GHR: variants seen among roughly 807,000 people sequenced by gnomAD.
GHR encodes the protein GH receptor.
A neutral mutation model predicts 67.1 loss-of-function variants in GHR; 35 were observed. The ratio of observed to expected loss-of-function variants is 0.52; its 90% CI spans 0.40 to 0.69. The LOEUF (loss-of-function observed/expected upper bound fraction) is 0.69. GHR is among the 30% of genes least tolerant of loss of function. The probability of loss-of-function intolerance (pLI) is 0.00; values close to 1 mark genes in which losing one functional copy is unlikely to be tolerated. For synonymous variants in GHR, 272 were observed against 269.1 expected (o/e 1.01, Z -0.10); for missense variants, 792 against 764.6 (o/e 1.04, Z -0.42).
chr5:42,656,050 A>C (rs193176978), intron 3 of GHR, among the ~76,000 whole-genome samples: 36 of 152,286 alleles, frequency 2.4e-4, no homozygotes, highest in Non-Finnish European at 3.4e-4. Context: ...ATTTTAAATC[A>C]GTATAATCTA....
chr5:42,689,886 A>G (rs1482143145), intron 4 of GHR, among the ~76,000 whole-genome samples: 1 of 152,204 alleles, frequency 6.6e-6, no homozygotes, highest in African/African-American at 2.4e-5. Context: ...TCAGTAAAAG[A>G]CTGTAGTACT....
At chr5:42,670,970 A>G (rs1396955767) in intron 3 of GHR, among the ~76,000 whole-genome samples, 1 of 151,708 alleles carries the variant, frequency 6.6e-6, no homozygotes, top group African/African-American at 2.4e-5. Context: ...CAAAGACACA[A>G]TGAGAAAACA....
intron 1 of GHR, among the ~76,000 whole-genome samples, chr5:42,460,589 G>A (rs1285819154): frequency 6.6e-6 from 1 of 152,134 alleles, no homozygotes; most frequent in East Asian, 1.9e-4. Context: ...TCTCTGGAAA[G>A]GGTTCACCTC....
At chr5:42,616,293 A>G (rs923993478) in intron 2 of GHR, among the ~76,000 whole-genome samples, 2 of 152,120 alleles carry the variant, frequency 1.3e-5, no homozygotes, top group Non-Finnish European at 2.9e-5. Context: ...TGCATGGGCT[A>G]TAATAATAGC....
At chr5:42,591,656 C>T (rs978997724) in intron 2 of GHR, among the ~76,000 whole-genome samples, 1 of 152,102 alleles carries the variant, frequency 6.6e-6, no homozygotes, top group Non-Finnish European at 1.5e-5. Context: ...TCTCCAGATC[C>T]TTCCCATGCC....
chr5:42,700,782 A>G (rs1001252323), intron 6 of GHR, among the ~76,000 whole-genome samples: 4 of 152,162 alleles, frequency 2.6e-5, no homozygotes, highest in African/African-American at 9.7e-5. Context: ...ATTTTGAGAC[A>G]CCAGGACATT....
At chr5:42,465,276 T>C in intron 1 of GHR, 1 of 632,276 alleles carries the variant, frequency 1.6e-6, no homozygotes, top group Non-Finnish European at 2.8e-6. Context: ...GATTTTCTTA[T>C]ACTGAATGTG....
chr5:42,470,587 G>A (rs1322092483), intron 1 of GHR, among the ~76,000 whole-genome samples: 1 of 152,096 alleles, frequency 6.6e-6, no homozygotes, highest in Non-Finnish European at 1.5e-5. Context: ...AGCAATCAGT[G>A]CCTTCTTGTT....
intron 1 of GHR, among the ~76,000 whole-genome samples, chr5:42,470,806 G>C (rs1744980860): frequency 6.6e-6 from 1 of 152,128 alleles, no homozygotes; most frequent in Admixed American, 6.5e-5. Flanking sequence ...AATTTAGTTT[G>C]AATCTAAATT....
intron 3 of GHR, among the ~76,000 whole-genome samples, chr5:42,641,067 T>C (rs539727865): frequency 1.1e-4 from 16 of 152,234 alleles, no homozygotes; most frequent in African/African-American, 3.9e-4. Flanking sequence ...CTGCCCTTAG[T>C]CATGATCAAA....
In GHR at chr5:42,530,494, A is replaced by C. The variant is rs140284846; in HGVS notation, c.-11-35370A>C. Among the ~76,000 whole-genome samples the C allele has an allele frequency of 7.6e-3, 1,160 of 152,340 alleles. 15 individuals are homozygous for C. Among genetic ancestry groups the C allele is most frequent in the African/African-American group, 0.026 (1,101 of 41,572 alleles). On this transcript the variant is annotated intron_variant, in intron 1 of 9. Transcript: ENST00000230882. ...AGCCATGGTTGTAATTGAGAATGGC[A>C]ACTATGGTGTTCTTATCTAATCTGC...
intron 3 of GHR, among the ~76,000 whole-genome samples, chr5:42,667,846 G>A (rs1242504046): frequency 6.6e-6 from 1 of 152,158 alleles, no homozygotes; most frequent in Admixed American, 6.6e-5. Flanking sequence ...GGCAAACTGG[G>A]TTGAGTTGAT....
At chr5:42,501,756 C>A (rs564358494) in intron 1 of GHR, among the ~76,000 whole-genome samples, 1 of 152,206 alleles carries the variant, frequency 6.6e-6, no homozygotes, top group African/African-American at 2.4e-5. Flanking sequence ...AGAAAAGTAG[C>A]CAGATTTTTA....
chr5:42,451,039 G>A (rs897416203), intron 1 of GHR, among the ~76,000 whole-genome samples: 1 of 152,114 alleles, frequency 6.6e-6, no homozygotes, highest in Admixed American at 6.5e-5. Context: ...GACTCGTTTA[G>A]TGGCCTATCA....
At chr5:42,468,779 C>T (rs1744859552) in intron 1 of GHR, 1 of 1,087,370 alleles carries the variant, frequency 9.2e-7, no homozygotes, top group African/African-American at 1.6e-5. Context: ...GCCTTCAGCA[C>T]CTCGAAGGGG....
chr5:42,489,582 C>T (rs1746025904), intron 1 of GHR, among the ~76,000 whole-genome samples: 1 of 152,118 alleles, frequency 6.6e-6, no homozygotes, highest in South Asian at 2.1e-4. Flanking sequence ...AATGCAACAA[C>T]TACAAAAGAA....
chr5:42,570,629 CCTT>C (rs1393931342), intron 2 of GHR, among the ~76,000 whole-genome samples: 4 of 152,184 alleles, frequency 2.6e-5, no homozygotes, highest in Non-Finnish European at 5.9e-5. Flanking sequence ...TTCAAACAAT[CCTT>C]CTTCAGCCTG....
intron 1 of GHR, among the ~76,000 whole-genome samples, chr5:42,547,289 T>C (rs1748779945): frequency 6.6e-6 from 1 of 152,174 alleles, no homozygotes; most frequent in African/African-American, 2.4e-5. Flanking sequence ...GAAGCAGTCA[T>C]AAATCATGAA....
At chr5:42,664,808 G>A (rs1023119587) in intron 3 of GHR, among the ~76,000 whole-genome samples, 59 of 152,108 alleles carry the variant, frequency 3.9e-4, no homozygotes, top group Non-Finnish European at 6.0e-4. Flanking sequence ...TGAACAGGCA[G>A]CCTACAAAAT....
Sources: gnomAD v4.1 joint callset for allele counts (sites outside exome capture counted in the v4.1 genomes callset) on GRCh38, gnomAD v4.1.1 for gene constraint, MANE v1.5 for transcripts, NCBI Gene and HGNC (gene_info 2026-07-23, HGNC 2026-07-21) for gene names.